RRP9: variants seen among roughly 807,000 people sequenced by gnomAD.
RRP9 encodes ribosomal RNA processing 9, U3 small nucleolar RNA binding protein.
A neutral mutation model predicts 65.5 loss-of-function variants in RRP9; 35 were observed. That is an observed-to-expected ratio of 0.53 (90% CI 0.41 to 0.71). The LOEUF is 0.71. Among genes scored for constraint, RRP9 ranks in the 30% least tolerant of loss-of-function variants. The probability of loss-of-function intolerance (pLI) is 0.00; values close to 1 mark genes in which losing one functional copy is unlikely to be tolerated. For synonymous variants in RRP9, 254 were observed against 245.0 expected (o/e 1.04, Z -0.34); for missense variants, 533 against 633.6 (o/e 0.84, Z 1.70).
In RRP9 at chr3:51,933,800, C is replaced by T. The variant is rs374224427; in HGVS notation, c.1261-19G>A. The stretch of plus-strand genomic sequence containing the variant: ...AACCCACCTGAGCAGAAAGACAACA[C>T]GGAAAGACATTAGAACGCCCCCCGC... On this transcript the variant is annotated intron_variant, in intron 13 of 14. Coordinates refer to ENST00000232888, the MANE Select transcript of RRP9 (RefSeq NM_004704.5). 4.8e-5 allele frequency: 78 copies of T among 1,613,070 alleles called. No homozygotes were observed. Among genetic ancestry groups the T allele is most frequent in the Admixed American group, 1.8e-4 (11 of 60,000 alleles).
intron 2 of RRP9, among the ~76,000 whole-genome samples, chr3:51,939,777 A>G (rs557645832): frequency 7.9e-5 from 12 of 152,388 alleles, no homozygotes; most frequent in South Asian, 2.1e-4. Flanking sequence ...TCTAGTTCTT[A>G]ACCTAAGTGG....
chr3:51,936,671 G>T, intron 6 of RRP9, 116 bp from the exon 7 acceptor site: 1 of 1,167,858 alleles, frequency 8.6e-7, no homozygotes. Flanking sequence ...GACTCGGCCA[G>T]AAGACCTGGC....
At chr3:51,939,945 T>C (rs1002621762) in intron 2 of RRP9, among the ~76,000 whole-genome samples, 9 of 152,188 alleles carry the variant, frequency 5.9e-5, no homozygotes, top group African/African-American at 1.7e-4. Context: ...TCACCCACAA[T>C]AACCTTCGGA....
intron 8 of RRP9, 86 bp downstream of exon 8, chr3:51,936,171 G>T: frequency 7.7e-7 from 1 of 1,294,030 alleles, no homozygotes; most frequent in Non-Finnish European, 1.1e-6. Context: ...GGTTCCCTGA[G>T]GACAGAGACT....
chr3:51,939,517 G>A (rs1699493009), intron 2 of RRP9, among the ~76,000 whole-genome samples: 1 of 152,226 alleles, frequency 6.6e-6, no homozygotes, highest in South Asian at 2.1e-4. Context: ...AAGGAGAGGG[G>A]CTGACTACGA....
At chr3:51,939,877 C>A (rs561840109) in intron 2 of RRP9, among the ~76,000 whole-genome samples, 2 of 152,312 alleles carry the variant, frequency 1.3e-5, no homozygotes, top group Admixed American at 6.5e-5. Flanking sequence ...ACACACTTCA[C>A]AACACAACAT....
At chr3:51,935,747 C>G (rs1292731460) in intron 8 of RRP9, 55 bp from the exon 9 acceptor site, 24 of 1,464,700 alleles carry the variant, frequency 1.6e-5, no homozygotes, top group Non-Finnish European at 2.2e-5. Flanking sequence ...AGGCGAGAGA[C>G]AGGTCAGGCC....
chr3:51,934,550 G>A lies in RRP9; in HGVS notation c.1182C>T (p.Gly394=). 6.2e-7 allele frequency: 1 copy of A among 1,614,008 alleles called. No individual in the cohort carries two copies. Among genetic ancestry groups the A allele is most frequent in the Non-Finnish European group, 8.5e-7 (1 of 1,179,926 alleles). Residue 394 remains glycine (G), a splice_region_variant and synonymous_variant, in exon 13 of 15, where the codon GGC becomes GGT. Coordinates refer to ENST00000232888, the MANE Select transcript of RRP9 (RefSeq NM_004704.5). The surrounding 1 kb of genome is among the most constrained non-coding windows in gnomAD (Gnocchi z 4.1). ...AAAGCCGCACACAGGAGCTGTGGGA[G>A]CCTGGGGAGACTGGAACAGTGAGCA... The part of the protein sequence containing the change: ...ALLNTDLVAT[G]SHSSCVRLWQ...
intron 6 of RRP9, among the ~76,000 whole-genome samples, chr3:51,936,929 G>A (rs115906487): frequency 6.6e-6 from 1 of 152,232 alleles, no homozygotes; most frequent in Admixed American, 6.5e-5. Context: ...ATGTCTTCTA[G>A]TCCAACCACC....
intron 10 of RRP9, 28 bp from the exon 11 acceptor site, chr3:51,935,287 G>A: frequency 6.2e-7 from 1 of 1,614,104 alleles, no homozygotes; most frequent in African/African-American, 1.3e-5. Flanking sequence ...GAGGAGCGTG[G>A]CCCAAGCCCA....
At chr3:51,941,259 C>G (rs1015597642) in intron 2 of RRP9, 150 bp downstream of exon 2, 5 of 725,302 alleles carry the variant, frequency 6.9e-6, no homozygotes, top group Non-Finnish European at 1.2e-5. Context: ...CAAGACTTTG[C>G]AGGACCAGAA....
Position 51,936,337 on chromosome 3 carries a change from G to A in RRP9, c.655C>T (p.Arg219Cys), listed in dbSNP as rs143989805. 2.4e-4 allele frequency: 391 copies of A among 1,614,154 alleles called. 2 individuals are homozygous for A. The East Asian group carries it at 5.7e-3, about 24-fold the overall frequency. The part of the protein sequence containing the change: ...SDGKYLASGD[R>C]SKLILIWEAQ... Reference sequence around the variant, plus strand: ...TCCCAAATGAGAATGAGCTTGCTGCGGTCACCAGAGGCCTGCAGGGATGAA... The same window carrying A: ...TCCCAAATGAGAATGAGCTTGCTGCAGTCACCAGAGGCCTGCAGGGATGAA... Residue 219 changes from arginine (R) to cysteine (C), a missense_variant, in exon 8 of 15, where the codon CGC becomes TGC. Arg to Cys is a radical substitution (Grantham distance 180). Around this residue, in one of 3 missense-constraint regions of RRP9, gnomAD observed 449 missense variants for 550.6 expected, o/e 0.82. Transcript: ENST00000232888.
At chr3:51,938,985 C>A (rs1380869775) in intron 2 of RRP9, among the ~76,000 whole-genome samples, 1 of 151,488 alleles carries the variant, frequency 6.6e-6, no homozygotes, top group Non-Finnish European at 1.5e-5. Context: ...ATGCCCCAGC[C>A]CCCGGACCAG....
At chr3:51,939,671 A>G (rs1407087767) in intron 2 of RRP9, among the ~76,000 whole-genome samples, 1 of 152,258 alleles carries the variant, frequency 6.6e-6, no homozygotes, top group African/African-American at 2.4e-5. Flanking sequence ...ACCTAAATGG[A>G]AAATGTTAAT....
In RRP9 at chr3:51,935,684, T is replaced by C; in HGVS notation, c.744A>G (p.Ala248=). ...AGAGCTGGTGGGTGCCTCTGCGGAA[T>C]GCCAGACCCTAAGGGTGCATGGGGA... ...TGHRDAVSGL[A]FRRGTHQLYS... Residue 248 remains alanine (A), a synonymous_variant, in exon 9 of 15, where the codon GCA becomes GCG. Coordinates refer to ENST00000232888, the MANE Select transcript of RRP9 (RefSeq NM_004704.5). 1.2e-6 allele frequency: 2 copies of C among 1,613,948 alleles called. No individual in the cohort carries two copies. Among genetic ancestry groups the C allele is most frequent in the South Asian group, 1.1e-5 (1 of 91,082 alleles).
intron 2 of RRP9, among the ~76,000 whole-genome samples, chr3:51,938,754 G>C (rs1417094988): frequency 1.3e-5 from 2 of 152,150 alleles, no homozygotes; most frequent in Non-Finnish European, 2.9e-5. Context: ...AGAAAGGCAA[G>C]GGATACCGGA....
intron 11 of RRP9, 30 bp downstream of exon 11, chr3:51,935,167 G>A (rs369033312): frequency 4.4e-6 from 7 of 1,578,998 alleles, no homozygotes; most frequent in South Asian, 2.2e-5. Flanking sequence ...AGCAGAAGCC[G>A]TGGCCAGAGA....
In RRP9 at chr3:51,934,786, G is replaced by A. The variant is rs764337889; in HGVS notation, c.1035-10C>T. ...CCACAAGGCCACAGAGCTATAAACA[G>A]GGAGGGAATACAGCAGTGAGGGGGC... On this transcript the variant is annotated splice_polypyrimidine_tract_variant and intron_variant, in intron 11 of 14. Transcript: ENST00000232888. The surrounding 1 kb of genome is among the most constrained non-coding windows in gnomAD (Gnocchi z 4.1). 5 of 1,610,580 alleles carry A rather than the reference G, an allele frequency of 3.1e-6. No individual in the cohort carries two copies. In the African/African-American group the frequency reaches 6.7e-5, roughly 21 times the overall value.
intron 3 of RRP9, 77 bp downstream of exon 3, chr3:51,938,018 G>A: frequency 3.2e-6 from 4 of 1,234,874 alleles, no homozygotes; most frequent in East Asian, 2.3e-5. Context: ...CCCATCAAGT[G>A]GCTGGGGCTG....
Sources: allele counts gnomAD v4.1 joint callset (sites outside exome capture counted in the v4.1 genomes callset), GRCh38; gene constraint gnomAD v4.1.1; regional missense constraint gnomAD v4.1.1; non-coding constraint Gnocchi (gnomAD v3.1); transcripts MANE v1.5; gene names NCBI Gene and HGNC (gene_info 2026-07-23, HGNC 2026-07-21).